Variants in TENM2 observed in about 807,000 individuals in gnomAD.
TENM2 encodes the protein teneurin-2.
In TENM2, 52 loss-of-function variants were observed where a neutral mutation model predicts 245.2. The observed-to-expected ratio is 0.21, with a 90% CI of 0.17 to 0.27. The LOEUF (loss-of-function observed/expected upper bound fraction) is 0.27, where lower values mean the gene tolerates loss of function less well. TENM2 is among the 10% of genes least tolerant of loss of function. TENM2 has a pLI of 1.00. For synonymous variants in TENM2, 1,363 were observed against 1,438.9 expected (o/e 0.95, Z 1.19); for missense variants, 3,046 against 3,666.8 (o/e 0.83, Z 4.37).
chr5:167,378,432 T>C (rs1402070247), intron 2 of TENM2, among the ~76,000 whole-genome samples: 2 of 150,990 alleles, frequency 1.3e-5, no homozygotes, highest in African/African-American at 2.4e-5. Flanking sequence ...CCTACACTCA[T>C]TGATTTAGCC....
intron 3 of TENM2, among the ~76,000 whole-genome samples, chr5:167,895,205 T>A (rs1052210667): frequency 6.6e-6 from 1 of 151,968 alleles, no homozygotes; most frequent in Non-Finnish European, 1.5e-5. Context: ...CTCCTCTCCC[T>A]CCTCCTCTTC....
intron 2 of TENM2, among the ~76,000 whole-genome samples, chr5:167,852,068 G>T (rs1770633157): frequency 6.6e-6 from 1 of 152,106 alleles, no homozygotes; most frequent in Admixed American, 6.5e-5. Flanking sequence ...GCTTGAAATG[G>T]TTTTTAAATT....
chr5:167,098,475 A>AGT, the TENM2 span, among the ~76,000 whole-genome samples: 1 of 152,266 alleles, frequency 6.6e-6, no homozygotes, highest in South Asian at 2.1e-4. Context: ...ACACCCTGAC[A>AGT]GTGTGTCGGC....
chr5:167,081,327 C>G, the TENM2 span, among the ~76,000 whole-genome samples: 1,433 of 152,090 alleles, frequency 9.4e-3, 21 homozygotes, highest in East Asian at 0.08. Flanking sequence ...GCTGACATAA[C>G]CTTTCTCGTT....
intron 7 of TENM2, among the ~76,000 whole-genome samples, chr5:168,088,536 G>A (rs528196381): frequency 6.6e-6 from 1 of 152,232 alleles, no homozygotes; most frequent in East Asian, 1.9e-4. Context: ...CTGCTCGTCC[G>A]TAATCATTAT....
At chr5:168,081,979 C>A (rs1225513211) in intron 7 of TENM2, among the ~76,000 whole-genome samples, 1 of 152,110 alleles carries the variant, frequency 6.6e-6, no homozygotes, top group Admixed American at 6.6e-5. Flanking sequence ...TGTTGGCCTG[C>A]CTTGCTAGGT....
chr5:167,937,120 C>A (rs1778782912), intron 3 of TENM2, among the ~76,000 whole-genome samples: 1 of 152,172 alleles, frequency 6.6e-6, no homozygotes, highest in Non-Finnish European at 1.5e-5. Flanking sequence ...CTTTTCAGTT[C>A]TTTGTGGTGA....
At chr5:167,872,149 C>T (rs1376380815) in intron 2 of TENM2, among the ~76,000 whole-genome samples, 1 of 151,538 alleles carries the variant, frequency 6.6e-6, no homozygotes, top group Non-Finnish European at 1.5e-5. Flanking sequence ...AAAAATTAAC[C>T]AGGCATAGTG....
chr5:167,198,106 G>T, the TENM2 span, among the ~76,000 whole-genome samples: 1 of 151,968 alleles, frequency 6.6e-6, no homozygotes, highest in Non-Finnish European at 1.5e-5. Context: ...CAGGGACAGA[G>T]CAGGGAGAAT....
intron 10 of TENM2, among the ~76,000 whole-genome samples, chr5:168,123,432 A>G (rs142571303): frequency 2.6e-5 from 4 of 152,252 alleles, no homozygotes; most frequent in African/African-American, 9.6e-5. Flanking sequence ...ATCTGAATAT[A>G]ACAGTGAATT....
At chr5:167,484,359 C>T (rs902391171) in intron 2 of TENM2, among the ~76,000 whole-genome samples, 1 of 152,098 alleles carries the variant, frequency 6.6e-6, no homozygotes, top group African/African-American at 2.4e-5. Flanking sequence ...GGACCTTAAT[C>T]TCACTGATGT....
At chr5:167,632,502 C>T (rs893786762) in intron 2 of TENM2, among the ~76,000 whole-genome samples, 1 of 152,186 alleles carries the variant, frequency 6.6e-6, no homozygotes, top group Non-Finnish European at 1.5e-5. Flanking sequence ...GCCATTGCCG[C>T]CATATTTAAA....
upstream of TENM2, among the ~76,000 whole-genome samples, chr5:167,281,125 T>C (rs981005889): frequency 6.6e-6 from 1 of 151,916 alleles, no homozygotes; most frequent in Non-Finnish European, 1.5e-5. Context: ...TTTTTTTTTT[T>C]TGAAATGGAG....
the TENM2 span, among the ~76,000 whole-genome samples, chr5:167,264,189 G>A: frequency 6.6e-6 from 1 of 151,474 alleles, no homozygotes; most frequent in Non-Finnish European, 1.5e-5. Context: ...ACTTTACTAA[G>A]GAATTCTTAT....
At chr5:167,357,464 G>A (rs10078722) in intron 1 of TENM2, among the ~76,000 whole-genome samples, 4,373 of 151,908 alleles carry the variant, frequency 0.029, 98 homozygotes, top group South Asian at 0.095. Flanking sequence ...TGTATTTTTA[G>A]TAGAGACGGG....
At chr5:168,140,269 C>T (rs1755423741) in intron 12 of TENM2, among the ~76,000 whole-genome samples, 1 of 152,152 alleles carries the variant, frequency 6.6e-6, no homozygotes, top group Non-Finnish European at 1.5e-5. Context: ...GTAGCCATTG[C>T]CCCCAAACAC....
intron 2 of TENM2, among the ~76,000 whole-genome samples, chr5:167,835,661 A>G (rs1460915211): frequency 6.6e-6 from 1 of 152,228 alleles, no homozygotes; most frequent in Non-Finnish European, 1.5e-5. Flanking sequence ...TTGTAAGGAC[A>G]TGCATGAATG....
At chr5:167,171,271 G>A in the TENM2 span, among the ~76,000 whole-genome samples, 1 of 152,096 alleles carries the variant, frequency 6.6e-6, no homozygotes. Flanking sequence ...CATTTGTTCC[G>A]CCTGGTAGCT....
intron 12 of TENM2, chr5:168,130,156 G>A (rs1025390939): frequency 3.3e-5 from 5 of 152,196 alleles, no homozygotes; most frequent in Non-Finnish European, 5.9e-5. Flanking sequence ...TTAGTCAGGT[G>A]GAAGCCCCAG....
Sources: allele counts gnomAD v4.1 joint callset (sites outside exome capture counted in the v4.1 genomes callset), GRCh38; gene constraint gnomAD v4.1.1; transcripts MANE v1.5; gene names NCBI Gene and HGNC (gene_info 2026-07-23, HGNC 2026-07-21).